Variants in RETREG1 observed in about 807,000 individuals in gnomAD.
The protein encoded by RETREG1 is reticulophagy regulator 1.
A neutral mutation model predicts 54.8 loss-of-function variants in RETREG1; 44 were observed. The observed-to-expected ratio is 0.80, with a 90% CI of 0.63 to 1.03. The LOEUF is 1.03. RETREG1 is among the 50% of genes least tolerant of loss of function. RETREG1 has a pLI of 0.00. For missense variants in RETREG1, 554 were observed against 605.1 expected (o/e 0.92, Z 0.89); for synonymous variants, 217 against 238.5 (o/e 0.91, Z 0.83).
In RETREG1 at chr5:16,557,573, G is replaced by A. The variant is rs576488236; in HGVS notation, c.458+8190C>T. Among the ~76,000 whole-genome samples the A allele has an allele frequency of 1.8e-4, 27 of 152,260 alleles. No homozygotes were observed. The East Asian group carries it at 2.7e-3, about 15-fold the overall frequency. Reference sequence around the variant, plus strand: ...CAATGAATGGATCTGTTCTTTCTTCGGAGAGAGAAAGAAAAGGGCTTTGAC... The same window carrying A: ...CAATGAATGGATCTGTTCTTTCTTCAGAGAGAGAAAGAAAAGGGCTTTGAC... On this transcript the variant is annotated intron_variant, in intron 3 of 8. Transcript: ENST00000306320.
intron 3 of RETREG1, among the ~76,000 whole-genome samples, chr5:16,533,278 C>T (rs1180789695): frequency 2.0e-5 from 3 of 152,072 alleles, no homozygotes; most frequent in Admixed American, 6.5e-5. Flanking sequence ...CTCCTGACCT[C>T]GTGATCCACC....
At chr5:16,554,399 C>T (rs1741630431) in intron 3 of RETREG1, among the ~76,000 whole-genome samples, 1 of 152,198 alleles carries the variant, frequency 6.6e-6, no homozygotes, top group East Asian at 1.9e-4. Context: ...GCCCTGGGCA[C>T]TCAGGTGAAC....
chr5:16,555,264 G>T (rs916334225), intron 3 of RETREG1, among the ~76,000 whole-genome samples: 2 of 152,112 alleles, frequency 1.3e-5, no homozygotes, highest in African/African-American at 4.8e-5. Context: ...CAATTCTCCT[G>T]CCTCAGCCTC....
chr5:16,574,919 C>T (rs1274785047), intron 1 of RETREG1, among the ~76,000 whole-genome samples: 1 of 152,128 alleles, frequency 6.6e-6, no homozygotes, highest in African/African-American at 2.4e-5. Flanking sequence ...TAAATTTGTC[C>T]CTCCCCTAAG....
chr5:16,552,697 C>T (rs567193070), intron 3 of RETREG1, among the ~76,000 whole-genome samples: 109 of 152,292 alleles, frequency 7.2e-4, no homozygotes, highest in Non-Finnish European at 1.2e-3. Context: ...TTCACTCCCC[C>T]TACTACTCTA....
chr5:16,582,403 T>C (rs1170543563), intron 1 of RETREG1, among the ~76,000 whole-genome samples: 1 of 150,876 alleles, frequency 6.6e-6, no homozygotes, highest in Non-Finnish European at 1.5e-5. Context: ...ATTTTTTTTT[T>C]CTATTCCATT....
chr5:16,491,842 G>A (rs1214195376), intron 3 of RETREG1, among the ~76,000 whole-genome samples: 1 of 152,104 alleles, frequency 6.6e-6, no homozygotes, highest in Non-Finnish European at 1.5e-5. Flanking sequence ...AGACAACATG[G>A]CAAGACCCTG....
intron 3 of RETREG1, among the ~76,000 whole-genome samples, chr5:16,534,631 A>T (rs1342168281): frequency 1.3e-5 from 2 of 152,250 alleles, no homozygotes; most frequent in Non-Finnish European, 2.9e-5. Context: ...ACTCATATCA[A>T]CATTCACACT....
At chr5:16,536,493 C>T (rs1741077114) in intron 3 of RETREG1, among the ~76,000 whole-genome samples, 1 of 152,134 alleles carries the variant, frequency 6.6e-6, no homozygotes, top group Admixed American at 6.5e-5. Context: ...AATCGCCAGC[C>T]TGGTTCACCC....
Position 16,474,669 on chromosome 5 carries a change from CTTTTTTT to C in RETREG1, c.*65_*71del. 1 of 1,264,826 alleles carries C rather than the reference CTTTTTTT, an allele frequency of 7.9e-7. No homozygotes were observed. Among genetic ancestry groups the C allele is most frequent in the Non-Finnish European group, 1.1e-6 (1 of 938,058 alleles). The allele number at this position is 1,264,826 out of a possible 1,614,324, so 78.4% of individuals were successfully genotyped here. ...CTTACAGTTCAATTTTTTTCTTTTCCTTTTTTTTTTTTTTTTCTTGTTTGAAATTTTT... is the reference window on the plus strand; with the variant it reads ...CTTACAGTTCAATTTTTTTCTTTTCCTTTTTTTTTCTTGTTTGAAATTTTT... On this transcript the variant is annotated 3_prime_UTR_variant, in exon 9 of 9. Coordinates refer to ENST00000306320, the MANE Select transcript of RETREG1 (RefSeq NM_001034850.3).
intron 3 of RETREG1, among the ~76,000 whole-genome samples, chr5:16,536,149 C>G (rs1001604152): frequency 3.3e-5 from 5 of 152,210 alleles, no homozygotes; most frequent in African/African-American, 1.2e-4. Flanking sequence ...TGGGAAAACA[C>G]CTCTATCCCA....
chr5:16,495,662 A>T (rs1295996931), intron 3 of RETREG1, among the ~76,000 whole-genome samples: 1 of 152,094 alleles, frequency 6.6e-6, no homozygotes, highest in African/African-American at 2.4e-5. Flanking sequence ...TTGGCCAGGC[A>T]TGGTGGCAGG....
intron 3 of RETREG1, among the ~76,000 whole-genome samples, chr5:16,539,750 G>A (rs1741188071): frequency 6.6e-6 from 1 of 152,176 alleles, no homozygotes; most frequent in Non-Finnish European, 1.5e-5. Context: ...TCACTTCCTC[G>A]ACTTGCCTTG....
At chr5:16,500,202 G>A (rs150776871) in intron 3 of RETREG1, among the ~76,000 whole-genome samples, 188 of 152,210 alleles carry the variant, frequency 1.2e-3, no homozygotes, top group African/African-American at 4.4e-3. Context: ...AGGGACAGCT[G>A]GAACATTCCC....
At chr5:16,602,637 G>A (rs1419082421) in intron 1 of RETREG1, among the ~76,000 whole-genome samples, 2 of 152,218 alleles carry the variant, frequency 1.3e-5, no homozygotes, top group Admixed American at 1.3e-4. Context: ...AGGGGGATGA[G>A]AAGAGTTTAT....
intron 1 of RETREG1, 51 bp downstream of exon 1, chr5:16,616,600 GC>G (rs1370381879): frequency 2.1e-5 from 32 of 1,542,778 alleles, no homozygotes; most frequent in Non-Finnish European, 2.6e-5. Context: ...GGCCCCGGGC[GC>G]CCCAAGGTCA....
intron 3 of RETREG1, among the ~76,000 whole-genome samples, chr5:16,532,450 T>C (rs1304736831): frequency 6.6e-6 from 1 of 152,112 alleles, no homozygotes; most frequent in Non-Finnish European, 1.5e-5. Context: ...GCTTGAACCC[T>C]GGGAGGCGGA....
chr5:16,533,551 G>A (rs1391118496), intron 3 of RETREG1, among the ~76,000 whole-genome samples: 2 of 152,132 alleles, frequency 1.3e-5, no homozygotes, highest in East Asian at 3.9e-4. Context: ...AGAACTTTCT[G>A]TGGTAACCAA....
intron 3 of RETREG1, among the ~76,000 whole-genome samples, chr5:16,502,822 C>G (rs1278219501): frequency 6.6e-6 from 1 of 152,192 alleles, no homozygotes; most frequent in Non-Finnish European, 1.5e-5. Flanking sequence ...AGACTTCATG[C>G]CCACATAGTT....
Sources: gnomAD v4.1 joint callset for allele counts (sites outside exome capture counted in the v4.1 genomes callset) on GRCh38, gnomAD v4.1.1 for gene constraint, MANE v1.5 for transcripts, NCBI Gene and HGNC (gene_info 2026-07-23, HGNC 2026-07-21) for gene names.